The following LRRC37A2 variants were observed in gnomAD, a reference collection of about 807,000 sequenced individuals.
LRRC37A2 encodes leucine-rich repeat-containing protein 37A2.
LRRC37A2 carries 9 observed loss-of-function variants against 68.8 expected under a neutral mutation model. The ratio of observed to expected loss-of-function variants is 0.13; its 90% CI spans 0.08 to 0.23. The LOEUF is 0.23. Among genes scored for constraint, LRRC37A2 ranks in the 10% least tolerant of loss-of-function variants. The probability of loss-of-function intolerance (pLI) is 1.00; values close to 1 mark genes in which losing one functional copy is unlikely to be tolerated. For synonymous variants in LRRC37A2, 63 were observed against 367.6 expected (o/e 0.17, Z 9.48); for missense variants, 168 against 950.4 (o/e 0.18, Z 10.82).
chr17:46,790,218 C>T, the LRRC37A2 span, among the ~76,000 whole-genome samples: 184 of 152,272 alleles, frequency 1.2e-3, 1 homozygote, highest in African/African-American at 4.0e-3. Flanking sequence ...TTGCAACAGG[C>T]GCCTGGGTTT....
At chr17:46,711,159 A>G in the LRRC37A2 span, 1 of 1,454,684 alleles carries the variant, frequency 6.9e-7, no homozygotes, top group Non-Finnish European at 9.1e-7. Flanking sequence ...AGTTAAAGGA[A>G]AAAAAGCAGC....
At chr17:46,492,700 T>TG in the LRRC37A2 span, among the ~76,000 whole-genome samples, 1 of 143,092 alleles carries the variant, frequency 7.0e-6, no homozygotes, top group East Asian at 2.0e-4. Context: ...TTTTTTTTTT[T>TG]TTTTTTTTTT....
At chr17:46,784,942 AT>A in the LRRC37A2 span, among the ~76,000 whole-genome samples, 13 of 151,464 alleles carry the variant, frequency 8.6e-5, no homozygotes, top group East Asian at 5.8e-4. Flanking sequence ...TGCCCGGCTA[AT>A]TTTTTTGTAT....
At chr17:46,907,434 G>A in the LRRC37A2 span, among the ~76,000 whole-genome samples, 3 of 151,922 alleles carry the variant, frequency 2.0e-5, no homozygotes, top group African/African-American at 7.3e-5. Flanking sequence ...TGTTGGGCTC[G>A]GTGGGAAGGT....
the LRRC37A2 span, chr17:46,931,622 C>A: frequency 3.5e-6 from 1 of 288,854 alleles, no homozygotes. Flanking sequence ...TTTGATACTC[C>A]AGCATGAAAT....
chr17:46,889,768 G>A, the LRRC37A2 span, among the ~76,000 whole-genome samples: 1 of 152,022 alleles, frequency 6.6e-6, no homozygotes. Context: ...TTGGACTTCT[G>A]ACTCCTAGAA....
chr17:46,912,951 G>A, the LRRC37A2 span, among the ~76,000 whole-genome samples: 1 of 152,232 alleles, frequency 6.6e-6, no homozygotes, highest in South Asian at 2.1e-4. Flanking sequence ...GGCCAGCTTA[G>A]GCAGGTGAGT....
At chr17:46,713,810 TAGGTTGGCTTTTTTCC>T in the LRRC37A2 span, 1 of 1,592,900 alleles carries the variant, frequency 6.3e-7, no homozygotes, top group Non-Finnish European at 8.5e-7. Context: ...TCCCTTTGCT[TAGGTTGGCTTTTTTCC>T]CCTGACTTGC....
At chr17:47,022,168 C>CTTTTTTTTTTTTTTTTTTTTT in the LRRC37A2 span, among the ~76,000 whole-genome samples, 7 of 19,700 alleles carry the variant, frequency 3.6e-4, no homozygotes, top group African/African-American at 5.8e-4. Flanking sequence ...TTTTTGTTCT[C>CTTTTTTTTTTTTTTTTTTTTT]TTTTTTTTTT....
At chr17:46,791,940 T>A in the LRRC37A2 span, among the ~76,000 whole-genome samples, 2 of 152,128 alleles carry the variant, frequency 1.3e-5, no homozygotes, top group Non-Finnish European at 2.9e-5. Flanking sequence ...CTGGGGAGAC[T>A]GAGGCGGGAG....
At chr17:46,800,515 G>A in the LRRC37A2 span, among the ~76,000 whole-genome samples, 5 of 115,758 alleles carry the variant, frequency 4.3e-5, no homozygotes, top group Non-Finnish European at 6.4e-5. Context: ...CTCAGGGGCT[G>A]ACTCTTACAC....
At chr17:46,527,842 GTTA>G (rs1261820311) in intron 6 of LRRC37A2, among the ~76,000 whole-genome samples, 2 of 79,878 alleles carry the variant, frequency 2.5e-5, no homozygotes, top group East Asian at 3.0e-4. Flanking sequence ...TTGCGATGCG[GTTA>G]TTATTATCAT....
At chr17:46,718,066 G>A in the LRRC37A2 span, among the ~76,000 whole-genome samples, 1 of 152,200 alleles carries the variant, frequency 6.6e-6, no homozygotes, top group African/African-American at 2.4e-5. Context: ...CACCAGTAAT[G>A]CCCCACAGAC....
chr17:47,017,881 T>C, the LRRC37A2 span: 22 of 1,611,978 alleles, frequency 1.4e-5, no homozygotes, highest in South Asian at 1.9e-4. Flanking sequence ...CCAGAGACCC[T>C]TGAAGACATC....
At chr17:46,752,940 TG>T in the LRRC37A2 span, among the ~76,000 whole-genome samples, 1 of 152,108 alleles carries the variant, frequency 6.6e-6, no homozygotes, top group African/African-American at 2.4e-5. Flanking sequence ...GCTAATTTTT[TG>T]TATTTTTAGT....
At chr17:46,873,086 T>TCACACACA in the LRRC37A2 span, among the ~76,000 whole-genome samples, 73 of 139,914 alleles carry the variant, frequency 5.2e-4, no homozygotes, top group South Asian at 3.3e-3. Context: ...CTCTGCCTCT[T>TCACACACA]CACACACACA....
chr17:46,768,995 A>G, the LRRC37A2 span, among the ~76,000 whole-genome samples: 1 of 152,150 alleles, frequency 6.6e-6, no homozygotes, highest in Non-Finnish European at 1.5e-5. This position sits in a 1 kb window ranked among gnomAD's most constrained non-coding sequence, Gnocchi z 5.0. Context: ...CACCCCAAGC[A>G]TGGGTAGACA....
At chr17:46,823,166 T>TTTATATATAATATATTA in the LRRC37A2 span, among the ~76,000 whole-genome samples, 2 of 128,552 alleles carry the variant, frequency 1.6e-5, no homozygotes, top group African/African-American at 3.1e-5. Flanking sequence ...ATATTATATA[T>TTTATATATAATATATTA]TATATATTTA....
the LRRC37A2 span, among the ~76,000 whole-genome samples, chr17:46,970,555 A>C: frequency 1.4e-3 from 215 of 151,458 alleles, 1 homozygote; most frequent in African/African-American, 5.0e-3. Context: ...AAAAAAAAAA[A>C]AAAAACTCAA....
Sources: allele counts gnomAD v4.1 joint callset (sites outside exome capture counted in the v4.1 genomes callset), GRCh38; gene constraint gnomAD v4.1.1; non-coding constraint Gnocchi (gnomAD v3.1); transcripts MANE v1.5; gene names NCBI Gene and HGNC (gene_info 2026-07-23, HGNC 2026-07-21).